Variants in WDFY3 observed in about 807,000 individuals in gnomAD.
WDFY3 encodes the protein WD repeat and FYVE domain-containing protein 3.
Under a neutral mutation model 409.6 loss-of-function variants are expected in WDFY3, and 66 were observed. The observed-to-expected ratio is 0.16, with a 90% CI of 0.13 to 0.20. The LOEUF (loss-of-function observed/expected upper bound fraction) is 0.20, where lower values mean the gene tolerates loss of function less well. Ranked by LOEUF, WDFY3 falls within the 10% of genes least tolerant of loss-of-function variation. WDFY3 has a pLI of 1.00. For missense variants in WDFY3, 3,031 were observed against 4,298.1 expected (o/e 0.71, Z 8.24); for synonymous variants, 1,521 against 1,537.1 (o/e 0.99, Z 0.25).
intron 4 of WDFY3, among the ~76,000 whole-genome samples, chr4:84,858,009 T>A (rs1020020805): frequency 9.2e-5 from 14 of 152,190 alleles, no homozygotes; most frequent in Admixed American, 9.2e-4. Flanking sequence ...CAACCTTCAC[T>A]GAGCCATCAA....
intron 64 of WDFY3, among the ~76,000 whole-genome samples, chr4:84,680,377 C>T (rs561872764): frequency 2.6e-5 from 4 of 152,336 alleles, no homozygotes; most frequent in South Asian, 2.1e-4. Flanking sequence ...GCAGCCTCAA[C>T]CTCCTGAGCC....
At chr4:84,805,151 T>G (rs1413627955) in intron 15 of WDFY3, among the ~76,000 whole-genome samples, 1 of 152,196 alleles carries the variant, frequency 6.6e-6, no homozygotes, top group African/African-American at 2.4e-5. Context: ...TTGTATAAGA[T>G]GTATATGCAA....
At chr4:84,788,567 C>G (rs1321387973) in intron 22 of WDFY3, among the ~76,000 whole-genome samples, 1 of 152,106 alleles carries the variant, frequency 6.6e-6, no homozygotes, top group Non-Finnish European at 1.5e-5. Context: ...AAATCAATGA[C>G]TATTCCACAA....
chr4:84,710,069 G>A (rs1732632641), intron 51 of WDFY3, among the ~76,000 whole-genome samples: 1 of 151,936 alleles, frequency 6.6e-6, no homozygotes, highest in African/African-American at 2.4e-5. Flanking sequence ...TTGTAGAGAT[G>A]GGGTCTTGGT....
intron 2 of WDFY3, among the ~76,000 whole-genome samples, chr4:84,912,707 G>C (rs1235283432): frequency 6.6e-6 from 1 of 151,930 alleles, no homozygotes; most frequent in African/African-American, 2.4e-5. Flanking sequence ...AAGTACATCT[G>C]CCCAGGTTTT....
Position 84,672,969 on chromosome 4 carries a change from T to G in WDFY3, c.10480A>C (p.Ile3494Leu). ...GGGGATGAGATTTTCAAGCGTTTGA[T>G]TTCAGATTGAAAGCGACTGCACCTA... ...CQKCSRFQSEIKRLKISSPVR... is the reference protein window; with the variant it reads ...CQKCSRFQSELKRLKISSPVR... The change falls in exon 68 of 68, where the codon ATC (isoleucine) becomes CTC (leucine). Residue 3494 changes from isoleucine (I) to leucine (L), a missense_variant. Around this residue, in one of 16 missense-constraint regions of WDFY3, gnomAD observed 378 missense variants for 477.3 expected, o/e 0.79. Coordinates refer to ENST00000295888, the MANE Select transcript of WDFY3 (RefSeq NM_014991.6). 2 of 1,614,092 alleles carry G rather than the reference T, an allele frequency of 1.2e-6. No homozygotes were observed. The highest frequency in any genetic ancestry group is 1.7e-6 in the Non-Finnish European group (2 of 1,179,996).
intron 17 of WDFY3, among the ~76,000 whole-genome samples, chr4:84,800,331 T>C (rs1417383607): frequency 2.0e-5 from 3 of 152,340 alleles, no homozygotes; most frequent in African/African-American, 4.8e-5. Context: ...AGCAGTGTTA[T>C]AGAGTTTATA....
intron 4 of WDFY3, among the ~76,000 whole-genome samples, chr4:84,856,802 T>C (rs1435462097): frequency 6.6e-6 from 1 of 152,182 alleles, no homozygotes; most frequent in Non-Finnish European, 1.5e-5. Context: ...GTCTCAAAAA[T>C]CAACACTGCA....
intron 30 of WDFY3, among the ~76,000 whole-genome samples, chr4:84,767,565 T>C (rs1743882914): frequency 6.7e-6 from 1 of 148,324 alleles, no homozygotes. Flanking sequence ...AAGTTGTGAA[T>C]ACAAAGAAAA....
At chr4:84,754,746 T>C (rs1022574702) in intron 34 of WDFY3, among the ~76,000 whole-genome samples, 1 of 152,192 alleles carries the variant, frequency 6.6e-6, no homozygotes, top group African/African-American at 2.4e-5. Context: ...ATTGTTAACA[T>C]TTCTGACCTC....
At chr4:84,853,163 T>C (rs1025879922) in intron 4 of WDFY3, among the ~76,000 whole-genome samples, 1 of 152,108 alleles carries the variant, frequency 6.6e-6, no homozygotes, top group Non-Finnish European at 1.5e-5. Context: ...GATGAGTACA[T>C]AGCCTTTTGT....
intron 53 of WDFY3, among the ~76,000 whole-genome samples, chr4:84,706,681 T>G (rs544273865): frequency 6.6e-6 from 1 of 151,960 alleles, no homozygotes; most frequent in East Asian, 1.9e-4. Flanking sequence ...TCCTGAAGGA[T>G]GAAGTGGAGC....
intron 24 of WDFY3, among the ~76,000 whole-genome samples, chr4:84,785,156 A>G (rs1747332007): frequency 6.6e-6 from 1 of 151,968 alleles, no homozygotes; most frequent in African/African-American, 2.4e-5. Context: ...TCTCCATCAG[A>G]GCCAATGTCT....
Position 84,712,703 on chromosome 4 carries a change from A to C in WDFY3, c.8042+456T>G, listed in dbSNP as rs190973974. 1.6e-3 allele frequency among the ~76,000 whole-genome samples: 238 copies of C among 152,298 alleles called. 1 individual carries two copies. The highest frequency in any genetic ancestry group is 2.7e-3 in the Non-Finnish European group (187 of 68,032). On this transcript the variant is annotated intron_variant, in intron 51 of 67. Coordinates refer to ENST00000295888, the MANE Select transcript of WDFY3 (RefSeq NM_014991.6). The stretch of plus-strand genomic sequence containing the variant: ...ACACTCCAGCCTGGGTGACAGAGCG[A>C]GACTCCATCTCTTAACAATAATTAA...
chr4:84,830,388 TTAGATGATCTTACCCAACTA>T (rs1270151823), intron 8 of WDFY3, among the ~76,000 whole-genome samples: 1 of 152,226 alleles, frequency 6.6e-6, no homozygotes, highest in Non-Finnish European at 1.5e-5. Flanking sequence ...TGATTTTGTG[TTAGATGATCTTACCCAACTA>T]TAGGCTAACA....
chr4:84,952,642 C>G (rs1773751953), intron 1 of WDFY3, among the ~76,000 whole-genome samples: 1 of 152,106 alleles, frequency 6.6e-6, no homozygotes, highest in Non-Finnish European at 1.5e-5. Context: ...ATGCTGAACT[C>G]CACAACATCA....
intron 3 of WDFY3, among the ~76,000 whole-genome samples, chr4:84,886,048 TA>T (rs951768065): frequency 5.3e-5 from 8 of 151,848 alleles, no homozygotes; most frequent in African/African-American, 1.2e-4. Flanking sequence ...TAGTGATGGG[TA>T]AAAAAAATTA....
intron 45 of WDFY3, among the ~76,000 whole-genome samples, chr4:84,726,551 C>A (rs963116582): frequency 6.6e-6 from 1 of 152,026 alleles, no homozygotes; most frequent in South Asian, 2.1e-4. Context: ...TACTAACATG[C>A]CTCATAATTT....
intron 15 of WDFY3, among the ~76,000 whole-genome samples, chr4:84,808,077 T>C (rs1391103125): frequency 1.3e-5 from 2 of 152,178 alleles, no homozygotes; most frequent in South Asian, 2.1e-4. Context: ...ATGTGTAGTT[T>C]AGTTATGAAA....
Sources: gnomAD v4.1 joint callset for allele counts (sites outside exome capture counted in the v4.1 genomes callset) on GRCh38, gnomAD v4.1.1 for gene constraint, gnomAD v4.1.1 regional missense constraint, MANE v1.5 for transcripts, NCBI Gene and HGNC (gene_info 2026-07-23, HGNC 2026-07-21) for gene names.